The following BEST3 variants were observed in gnomAD, a reference collection of about 807,000 sequenced individuals.
BEST3 encodes the protein bestrophin-3.
Under a neutral mutation model 47.1 loss-of-function variants are expected in BEST3, and 50 were observed. The ratio of observed to expected loss-of-function variants is 1.06; its 90% CI spans 0.85 to 1.34. The LOEUF (loss-of-function observed/expected upper bound fraction) is 1.34. BEST3 is among the 40% of genes most tolerant of loss of function. The probability of loss-of-function intolerance (pLI) is 0.00; values close to 1 mark genes in which losing one functional copy is unlikely to be tolerated. For missense variants in BEST3, 765 were observed against 817.0 expected, an observed-to-expected ratio of 0.94 and a Z score of 0.78; for synonymous variants, 282 against 298.8, an observed-to-expected ratio of 0.94 and a Z score of 0.58.
rs1374281077 is a variant in BEST3 at position 69,655,370 on chromosome 12, G to GA, written c.1543dup (p.Ser515PhefsTer7). The GA allele has an allele frequency of 6.2e-7, 1 of 1,614,010 alleles. No homozygotes were observed. The highest frequency in any genetic ancestry group is 8.5e-7 in the Non-Finnish European group (1 of 1,180,024). ...AGCGGAATCATGGTGGTAGCCCCCT[G>GA]ATGTGGGCACTGGTGCTTCGGCTGC... On this transcript the variant is annotated frameshift_variant, in exon 10 of 10. Coordinates refer to ENST00000330891, the MANE Select transcript of BEST3 (RefSeq NM_032735.3). LOFTEE classifies it low-confidence loss of function (END_TRUNC).
intron 7 of BEST3, among the ~76,000 whole-genome samples, chr12:69,674,599 C>T (rs77947327): frequency 0.036 from 5,426 of 152,254 alleles, 142 homozygotes; most frequent in Non-Finnish European, 0.055. Flanking sequence ...CTGGTTGAGT[C>T]CTGAAACCTA....
rs1884957533 is a variant in BEST3, at chr12:69,676,921, G to C, written c.862C>G (p.Leu288Val). The C allele has an allele frequency of 6.2e-7, 1 of 1,613,386 alleles. No individual in the cohort carries two copies. The highest frequency in any genetic ancestry group is 1.3e-5 in the African/African-American group (1 of 74,912). Reference protein sequence around the residue: ...LLQFFFYAGWLKVAEQLINPF... With the variant: ...LLQFFFYAGWVKVAEQLINPF... ...GCCCTGAGACCACTGGCTACCTTAA[G>C]CCATCCTGCATAGAAGAAGAATTGT... Residue 288 changes from leucine (L) to valine (V), a missense_variant, in exon 7 of 10, where the codon CTT becomes GTT. By Grantham distance (32) the Leu-to-Val change is conservative. Transcript: ENST00000330891.
chr12:69,656,548 G>T (rs1435805230), intron 9 of BEST3, among the ~76,000 whole-genome samples: 8 of 151,908 alleles, frequency 5.3e-5, no homozygotes, highest in Non-Finnish European at 1.0e-4. Flanking sequence ...ATATACTAAG[G>T]CCCAGCTAAG....
At chr12:69,653,590 G>A (rs187375024), downstream of BEST3, 111 of 959,018 alleles carry the variant, frequency 1.2e-4, no homozygotes, top group East Asian at 7.2e-3. Context: ...CTGGAACAGT[G>A]TAAGCACTCA....
At chr12:69,648,445 G>A (rs1565816540) in intron 9 of BEST3, among the ~76,000 whole-genome samples, 2 of 152,186 alleles carry the variant, frequency 1.3e-5, no homozygotes, top group Admixed American at 1.3e-4. Flanking sequence ...TTATAAGAAT[G>A]TATACAAGCA....
chr12:69,644,901 A>G (rs536615005), intron 9 of BEST3, among the ~76,000 whole-genome samples: 10 of 152,340 alleles, frequency 6.6e-5, no homozygotes, highest in Admixed American at 2.0e-4. Context: ...ATTGTAATAC[A>G]TGTAATTTAT....
chr12:69,694,325 C>A (rs767409830), intron 3 of BEST3, 45 bp downstream of exon 3: 2 of 1,261,180 alleles, frequency 1.6e-6, no homozygotes, highest in Admixed American at 2.1e-5. Context: ...GTCATCCTAA[C>A]GGAGACAGCT....
At chr12:69,655,853 G>A (rs562098823) in intron 9 of BEST3, 40 bp from the exon 10 acceptor site, 26 of 1,548,962 alleles carry the variant, frequency 1.7e-5, no homozygotes, top group African/African-American at 2.7e-5. Flanking sequence ...GAGTAGCTTC[G>A]GGGGCCTAGC....
rs769602939 is a variant in BEST3 at position 69,697,686 on chromosome 12, A to G, written c.113T>C (p.Val38Ala). 1 of 1,609,696 alleles carries G rather than the reference A, an allele frequency of 6.2e-7. No individual in the cohort carries two copies. The highest frequency in any genetic ancestry group is 1.7e-5 in the Admixed American group (1 of 59,274). The stretch of plus-strand genomic sequence containing the variant: ...TATTGCTGTATAAAGAACAGCAAAA[A>G]CAATAAATTCCCTGTACAGTAGTTT... ...IYKLLYREFI[V>A]FAVLYTAISL... The change falls in exon 2 of 10, where the codon GTT (valine) becomes GCT (alanine). Residue 38 changes from valine (V) to alanine (A), a missense_variant. Transcript: ENST00000330891.
In BEST3 at chr12:69,655,135, CG is replaced by C. The variant is rs1565820302; in HGVS notation, c.1778del (p.Pro593ArgfsTer14). ...GDTFLKRWSL[P>X]GFLGSSHTSL... Reference sequence around the variant, plus strand: ...AAGTGTGGCTGGACCCCAGGAATCCCGGAAGACTCCACCTTTTTAGAAAGGT... The same window carrying C: ...AAGTGTGGCTGGACCCCAGGAATCCCGAAGACTCCACCTTTTTAGAAAGGT... On this transcript the variant is annotated frameshift_variant, in exon 10 of 10. Coordinates refer to ENST00000330891, the MANE Select transcript of BEST3 (RefSeq NM_032735.3). LOFTEE classifies it low-confidence loss of function (END_TRUNC). 1 of 1,614,116 alleles carries C rather than the reference CG, an allele frequency of 6.2e-7. No homozygotes were observed. The highest frequency in any genetic ancestry group is 1.1e-5 in the South Asian group (1 of 91,076).
At chr12:69,691,619 C>A (rs932362897) in intron 4 of BEST3, among the ~76,000 whole-genome samples, 2 of 152,094 alleles carry the variant, frequency 1.3e-5, no homozygotes, top group Non-Finnish European at 2.9e-5. Context: ...TGGTGAAACC[C>A]TGTCTCTACT....
chr12:69,660,952 C>T (rs1319449910), intron 9 of BEST3: 1 of 152,160 alleles, frequency 6.6e-6, no homozygotes, highest in African/African-American at 2.4e-5. Context: ...TTGCAAATGA[C>T]AAATATCCAA....
At chr12:69,644,475 T>C (rs1235338779) in intron 9 of BEST3, among the ~76,000 whole-genome samples, 1 of 152,220 alleles carries the variant, frequency 6.6e-6, no homozygotes, top group Non-Finnish European at 1.5e-5. Flanking sequence ...GTGAGAGTTG[T>C]TTTAATAAGT....
At chr12:69,696,589 A>G (rs1886140091) in intron 2 of BEST3, among the ~76,000 whole-genome samples, 1 of 152,304 alleles carries the variant, frequency 6.6e-6, no homozygotes, top group East Asian at 1.9e-4. Context: ...ATATTTTGTC[A>G]AGATATATAC....
intron 4 of BEST3, chr12:69,689,246 C>G: frequency 1.0e-6 from 1 of 985,638 alleles, no homozygotes; most frequent in Non-Finnish European, 1.2e-6. Flanking sequence ...GAAGCAGACC[C>G]CATGTGCAGA....
downstream of BEST3, among the ~76,000 whole-genome samples, chr12:69,651,096 G>T (rs561938285): frequency 8.5e-5 from 13 of 152,064 alleles, no homozygotes; most frequent in African/African-American, 3.1e-4. Context: ...AAGAAGGAAA[G>T]CTTCCTGAAT....
chr12:69,644,256 A>G (rs1003852177), intron 9 of BEST3, among the ~76,000 whole-genome samples: 3 of 152,220 alleles, frequency 2.0e-5, no homozygotes, highest in African/African-American at 7.2e-5. Flanking sequence ...ACATGGATAC[A>G]GTAGTTTATT....
chr12:69,666,727 C>T (rs1407911906), intron 9 of BEST3, among the ~76,000 whole-genome samples: 1 of 152,208 alleles, frequency 6.6e-6, no homozygotes, highest in African/African-American at 2.4e-5. Flanking sequence ...GGACTCACTG[C>T]ATGCTGGCCA....
chr12:69,643,611 T>C (rs1207010156), exon 10 of BEST3: 1 of 573,528 alleles, frequency 1.7e-6, no homozygotes, highest in African/African-American at 1.9e-5. Context: ...GTGGAGAATG[T>C]TTTTCAGTTG....
Sources: allele counts gnomAD v4.1 joint callset (sites outside exome capture counted in the v4.1 genomes callset), GRCh38; gene constraint gnomAD v4.1.1; transcripts MANE v1.5; gene names NCBI Gene and HGNC (gene_info 2026-07-23, HGNC 2026-07-21).